The following DPP10 variants were observed in gnomAD, a reference collection of about 807,000 sequenced individuals.
The protein encoded by DPP10 is dipeptidyl peptidase like 10.
In DPP10, 33 loss-of-function variants were observed where a neutral mutation model predicts 120.9. The ratio of observed to expected loss-of-function variants is 0.27; its 90% CI spans 0.21 to 0.37. DPP10 has a LOEUF of 0.37. DPP10 is among the 10% of genes least tolerant of loss of function. The pLI, the probability that DPP10 is intolerant of heterozygous loss-of-function variation, is 1.00. For synonymous variants in DPP10, 337 were observed against 326.1 expected, an observed-to-expected ratio of 1.03 and a Z score of -0.36; for missense variants, 816 against 942.8, an observed-to-expected ratio of 0.87 and a Z score of 1.76.
chr2:114,873,549 G>A (rs1690878368), intron 1 of DPP10, among the ~76,000 whole-genome samples: 1 of 152,130 alleles, frequency 6.6e-6, no homozygotes, highest in Non-Finnish European at 1.5e-5. Flanking sequence ...TCGTGTCGGT[G>A]CGTGCATGGA....
intron 1 of DPP10, among the ~76,000 whole-genome samples, chr2:115,145,331 A>C (rs777062862): frequency 3.3e-5 from 5 of 152,126 alleles, no homozygotes; most frequent in South Asian, 4.1e-4. Flanking sequence ...AATTCATGAC[A>C]ATCATTCATC....
intron 1 of DPP10, among the ~76,000 whole-genome samples, chr2:115,017,820 C>A (rs1702765158): frequency 6.8e-6 from 1 of 147,766 alleles, no homozygotes; most frequent in Non-Finnish European, 1.5e-5. Context: ...CACTTGGACA[C>A]AGGTAGGGGG....
At chr2:115,090,953 G>A (rs1559082972) in intron 1 of DPP10, among the ~76,000 whole-genome samples, 1 of 152,158 alleles carries the variant, frequency 6.6e-6, no homozygotes, top group Non-Finnish European at 1.5e-5. Context: ...TTAGCCATTA[G>A]GCTGATACCG....
chr2:115,418,563 G>A (rs1223537039), intron 3 of DPP10, among the ~76,000 whole-genome samples: 1 of 152,110 alleles, frequency 6.6e-6, no homozygotes, highest in Admixed American at 6.6e-5. Context: ...TTGAGCCCAG[G>A]AGCTCAGGGC....
intron 1 of DPP10, among the ~76,000 whole-genome samples, chr2:114,966,481 GCTCCC>G (rs1357960049): frequency 6.6e-6 from 1 of 152,092 alleles, no homozygotes; most frequent in Non-Finnish European, 1.5e-5. Flanking sequence ...GCACACACCT[GCTCCC>G]CTTCCTCTTT....
chr2:114,708,164 G>A lies in DPP10; in HGVS notation c.60+265326G>A, dbSNP rs1224113026. On this transcript the variant is annotated intron_variant, in intron 1 of 25. Transcript: ENST00000410059. Reference sequence around the variant, plus strand: ...TAAAACAAACAAACCTAGAATCCATGCTGAGTCAGTTCCCCGAGTCTCAGG... The same window carrying A: ...TAAAACAAACAAACCTAGAATCCATACTGAGTCAGTTCCCCGAGTCTCAGG... Among the ~76,000 whole-genome samples the A allele has an allele frequency of 3.3e-5, 5 of 152,276 alleles. No homozygotes were observed. The East Asian group carries it at 9.6e-4, about 29-fold the overall frequency.
At chr2:114,757,004 C>T (rs142779545) in intron 1 of DPP10, among the ~76,000 whole-genome samples, 184 of 151,446 alleles carry the variant, frequency 1.2e-3, no homozygotes, top group African/African-American at 4.2e-3. Flanking sequence ...CCTAGCCTAA[C>T]GCTCACAACA....
chr2:115,808,798 G>T (rs1307502825), intron 19 of DPP10, among the ~76,000 whole-genome samples: 5 of 152,190 alleles, frequency 3.3e-5, no homozygotes. Context: ...TGATTTGGAG[G>T]TTAGTACAAT....
rs76188725 is a variant in DPP10, at chr2:115,670,001, T to G, written c.442-19686T>G. ...AGCTTAAGTACCAGACATTTATTTC[T>G]CATAGTTCTGCAGGCTGGGAAGTCT... On this transcript the variant is annotated intron_variant, in intron 5 of 25. Coordinates refer to ENST00000410059, the MANE Select transcript of DPP10 (RefSeq NM_020868.6). Among the ~76,000 whole-genome samples, 1,183 of 152,250 alleles carry G rather than the reference T, an allele frequency of 7.8e-3. 23 individuals are homozygous for G. The highest frequency in any genetic ancestry group is 0.027 in the African/African-American group (1,140 of 41,576).
At chr2:115,794,748 C>T (rs892242221) in intron 19 of DPP10, among the ~76,000 whole-genome samples, 1 of 152,032 alleles carries the variant, frequency 6.6e-6, no homozygotes, top group Admixed American at 6.6e-5. Flanking sequence ...TTATAGGGAG[C>T]CCTTAAGGAC....
chr2:115,182,650 C>T (rs184815377), intron 1 of DPP10, among the ~76,000 whole-genome samples: 3 of 152,088 alleles, frequency 2.0e-5, no homozygotes, highest in Admixed American at 1.3e-4. Flanking sequence ...ATACTCCTTT[C>T]TATGGAATAT....
intron 1 of DPP10, among the ~76,000 whole-genome samples, chr2:114,595,816 A>T (rs2163232): frequency 0.15 from 22,299 of 152,142 alleles, 1,995 homozygotes; most frequent in African/African-American, 0.25. Flanking sequence ...AGCCAAGTAT[A>T]CTACTTCAGG....
intron 5 of DPP10, among the ~76,000 whole-genome samples, chr2:115,543,741 G>T (rs1325168009): frequency 3.3e-5 from 5 of 151,864 alleles, no homozygotes; most frequent in African/African-American, 1.2e-4. Flanking sequence ...ACAAGTCATT[G>T]CTTTTGGTTA....
intron 21 of DPP10, 58 bp from the exon 22 acceptor site, chr2:115,836,097 GTA>G (rs1315872424): frequency 8.7e-6 from 7 of 802,698 alleles, no homozygotes; most frequent in Non-Finnish European, 1.2e-5. Context: ...TTGTGTGTGT[GTA>G]TGTGTGTGTG....
At chr2:114,500,008 C>G (rs1439894643) in intron 1 of DPP10, among the ~76,000 whole-genome samples, 1 of 152,220 alleles carries the variant, frequency 6.6e-6, no homozygotes, top group African/African-American at 2.4e-5. Flanking sequence ...GGGGAGAACT[C>G]ACTGGCCCCT....
At chr2:115,474,728 G>GA (rs11314883) in intron 3 of DPP10, among the ~76,000 whole-genome samples, 31 of 139,296 alleles carry the variant, frequency 2.2e-4, no homozygotes, top group Non-Finnish European at 2.8e-4. Flanking sequence ...CCATGTGATA[G>GA]AAAAAAAAAA....
intron 1 of DPP10, among the ~76,000 whole-genome samples, chr2:115,235,719 A>T (rs1227985067): frequency 1.3e-5 from 2 of 151,974 alleles, no homozygotes; most frequent in Non-Finnish European, 2.9e-5. Context: ...ATGCCAACAC[A>T]CCCAGCTAAT....
At chr2:115,419,538 T>A (rs1388960353) in intron 3 of DPP10, among the ~76,000 whole-genome samples, 1 of 152,148 alleles carries the variant, frequency 6.6e-6, no homozygotes, top group East Asian at 1.9e-4. Flanking sequence ...AAGCCATTCA[T>A]GACCCAAACA....
At chr2:115,363,133 A>G (rs1202610772) in intron 3 of DPP10, among the ~76,000 whole-genome samples, 2 of 152,172 alleles carry the variant, frequency 1.3e-5, no homozygotes, top group Non-Finnish European at 2.9e-5. Context: ...GAGTGAAAAA[A>G]TCACACACTA....
Sources: allele counts gnomAD v4.1 joint callset (sites outside exome capture counted in the v4.1 genomes callset), GRCh38; gene constraint gnomAD v4.1.1; transcripts MANE v1.5; gene names NCBI Gene and HGNC (gene_info 2026-07-23, HGNC 2026-07-21).